Variants in FAT3 observed in about 807,000 individuals in gnomAD.
FAT3 encodes protocadherin Fat 3.
FAT3 carries 95 observed loss-of-function variants against 310.2 expected under a neutral mutation model. The ratio of observed to expected loss-of-function variants is 0.31; its 90% CI spans 0.26 to 0.36. The LOEUF (loss-of-function observed/expected upper bound fraction) is 0.36. FAT3 is among the 10% of genes least tolerant of loss of function. The probability of loss-of-function intolerance (pLI) is 1.00; values close to 1 mark genes in which losing one functional copy is unlikely to be tolerated. For synonymous variants in FAT3, 2,314 were observed against 2,192.9 expected (o/e 1.06, Z -1.54); for missense variants, 5,408 against 5,715.6 (o/e 0.95, Z 1.74).
At chr11:92,363,611 G>T (rs910438711) in intron 2 of FAT3, among the ~76,000 whole-genome samples, 1 of 152,084 alleles carries the variant, frequency 6.6e-6, no homozygotes, top group African/African-American at 2.4e-5. Context: ...CAGACTAAAT[G>T]GCATCCCTGT....
intron 7 of FAT3, among the ~76,000 whole-genome samples, chr11:92,775,907 T>C (rs1459121992): frequency 1.3e-5 from 2 of 152,100 alleles, no homozygotes; most frequent in East Asian, 3.9e-4. Flanking sequence ...GGCTGAAATA[T>C]AGACACATGG....
At chr11:92,306,369 C>G (rs1374517482) in intron 1 of FAT3, among the ~76,000 whole-genome samples, 1 of 149,512 alleles carries the variant, frequency 6.7e-6, no homozygotes, top group African/African-American at 2.5e-5. Flanking sequence ...TTAGTAGAGT[C>G]CTAGTGAAAG....
At position 92,749,518 on chromosome 11, in the gene FAT3, A is replaced by G. The variant is rs80045996; in HGVS notation, c.3670-12338A>G. On this transcript the variant is annotated intron_variant, in intron 4 of 27. Transcript: ENST00000525166. ...GAACGAGAATGATACCTAAGCTCTC[A>G]TTTACTCTTGAGTTCTCTTAACATC... Among the ~76,000 whole-genome samples the G allele has an allele frequency of 3.6e-3, 542 of 152,316 alleles. 3 individuals carry two copies. Among genetic ancestry groups the G allele is most frequent in the African/African-American group, 0.012 (518 of 41,584 alleles).
chr11:92,575,896 G>T lies in FAT3; in HGVS notation c.3607+50948G>T, dbSNP rs568930614. Among the ~76,000 whole-genome samples, 21 of 152,214 alleles carry T rather than the reference G, an allele frequency of 1.4e-4. 1 individual carries two copies. Among genetic ancestry groups the T allele is most frequent in the African/African-American group, 3.6e-4 (15 of 41,550 alleles). On this transcript the variant is annotated intron_variant, in intron 3 of 27. Coordinates refer to ENST00000525166, the MANE Select transcript of FAT3 (RefSeq NM_001367949.2). ...AAGGTGGAGCTTGGAATAAAAGAAG[G>T]TTATTTAAAAGTATCAGAGATGTTG...
intron 2 of FAT3, among the ~76,000 whole-genome samples, chr11:92,487,271 G>A (rs1027595869): frequency 9.9e-5 from 15 of 152,150 alleles, no homozygotes; most frequent in African/African-American, 3.6e-4. Context: ...AACCAAGGAG[G>A]TTGGTAGCTG....
chr11:92,246,743 G>T (rs573739074), intron 1 of FAT3, among the ~76,000 whole-genome samples: 1 of 152,018 alleles, frequency 6.6e-6, no homozygotes, highest in African/African-American at 2.4e-5. Context: ...GGCTGTGTTG[G>T]GGTTAGAGCT....
intron 1 of FAT3, among the ~76,000 whole-genome samples, chr11:92,348,140 T>C (rs1333601051): frequency 6.6e-6 from 1 of 152,138 alleles, no homozygotes; most frequent in Non-Finnish European, 1.5e-5. Flanking sequence ...ATAGGGCTTT[T>C]TTTTTTTCCT....
intron 13 of FAT3, among the ~76,000 whole-genome samples, chr11:92,822,555 A>G (rs1337126034): frequency 6.6e-6 from 1 of 152,100 alleles, no homozygotes; most frequent in African/African-American, 2.4e-5. Context: ...CTACCACTTC[A>G]CCTTGTGAGG....
At chr11:92,366,633 C>T in intron 2 of FAT3, 1 of 533,944 alleles carries the variant, frequency 1.9e-6, no homozygotes, top group Admixed American at 1.9e-5. Flanking sequence ...ACAGGTTCAG[C>T]TCCATGATAG....
At chr11:92,759,328 C>T (rs1946087026) in intron 4 of FAT3, among the ~76,000 whole-genome samples, 1 of 152,204 alleles carries the variant, frequency 6.6e-6, no homozygotes, top group Non-Finnish European at 1.5e-5. Context: ...CAAGCACAGT[C>T]TGTCTTTGCC....
chr11:92,703,020 T>A (rs185760125), intron 4 of FAT3, among the ~76,000 whole-genome samples: 1 of 152,326 alleles, frequency 6.6e-6, no homozygotes, highest in African/African-American at 2.4e-5. Flanking sequence ...TACAGAGGAA[T>A]AGACTAGATC....
chr11:92,805,757 C>G (rs1187867144), intron 11 of FAT3, among the ~76,000 whole-genome samples: 1 of 152,116 alleles, frequency 6.6e-6, no homozygotes, highest in Non-Finnish European at 1.5e-5. Context: ...GAACACTGGT[C>G]TCCAGGCTCC....
Position 92,376,700 on chromosome 11 carries a change from TCC to T in FAT3, c.3292+21298_3292+21299del, listed in dbSNP as rs547009338. 2.9e-4 allele frequency among the ~76,000 whole-genome samples: 44 copies of T among 152,310 alleles called. No individual in the cohort carries two copies. In the South Asian group the frequency reaches 8.7e-3, roughly 30 times the overall value. On this transcript the variant is annotated intron_variant, in intron 2 of 27. Coordinates refer to ENST00000525166, the MANE Select transcript of FAT3 (RefSeq NM_001367949.2). ...TGCCCCTCTCAAATGGATCCCAGAA[TCC>T]CTCACTTTGGATAGTGGTTGTGGTT...
At chr11:92,485,814 G>T (rs1289741625) in intron 2 of FAT3, among the ~76,000 whole-genome samples, 4 of 152,156 alleles carry the variant, frequency 2.6e-5, no homozygotes, top group African/African-American at 4.8e-5. Flanking sequence ...ATTGTAGTAT[G>T]TTAAAACAAC....
chr11:92,276,543 T>C (rs576555622), intron 1 of FAT3, among the ~76,000 whole-genome samples: 2 of 152,244 alleles, frequency 1.3e-5, no homozygotes, highest in African/African-American at 4.8e-5. Context: ...AATGTTAGCA[T>C]TCGTGACACT....
At chr11:92,282,739 T>C (rs558350276) in intron 1 of FAT3, among the ~76,000 whole-genome samples, 1 of 152,214 alleles carries the variant, frequency 6.6e-6, no homozygotes, top group South Asian at 2.1e-4. Flanking sequence ...GCTTTAAGGA[T>C]CCTAAGTGTA....
chr11:92,375,816 T>G (rs1306425760), intron 2 of FAT3, among the ~76,000 whole-genome samples: 1 of 152,232 alleles, frequency 6.6e-6, no homozygotes, highest in Admixed American at 6.5e-5. Context: ...TTTTACAACT[T>G]AGTAGTTCAC....
intron 1 of FAT3, among the ~76,000 whole-genome samples, chr11:92,321,418 C>T (rs1008612381): frequency 6.7e-6 from 1 of 149,266 alleles, no homozygotes; most frequent in African/African-American, 2.5e-5. Flanking sequence ...GCCTGAGCAA[C>T]AGGGCGAGAC....
chr11:92,588,108 G>T (rs993730240), intron 3 of FAT3, among the ~76,000 whole-genome samples: 1 of 151,858 alleles, frequency 6.6e-6, no homozygotes, highest in Non-Finnish European at 1.5e-5. Flanking sequence ...TAGGTCTAAG[G>T]ATCTCCAAGT....
Sources: gnomAD v4.1 joint callset for allele counts (sites outside exome capture counted in the v4.1 genomes callset) on GRCh38, gnomAD v4.1.1 for gene constraint, MANE v1.5 for transcripts, NCBI Gene and HGNC (gene_info 2026-07-23, HGNC 2026-07-21) for gene names.